The following KCNIP4 variants were observed in gnomAD, a reference collection of about 807,000 sequenced individuals.
The protein encoded by KCNIP4 is Kv channel-interacting protein 4.
KCNIP4 carries 12 observed loss-of-function variants against 34.0 expected under a neutral mutation model. The ratio of observed to expected loss-of-function variants is 0.35; its 90% CI spans 0.23 to 0.57. The LOEUF (loss-of-function observed/expected upper bound fraction) is 0.57. Ranked by LOEUF, KCNIP4 falls within the 20% of genes least tolerant of loss-of-function variation. The probability of loss-of-function intolerance (pLI) is 0.83; values close to 1 mark genes in which losing one functional copy is unlikely to be tolerated. For missense variants in KCNIP4, 238 were observed against 311.7 expected, an observed-to-expected ratio of 0.76 and a Z score of 1.78; for synonymous variants, 124 against 102.2, an observed-to-expected ratio of 1.21 and a Z score of -1.29.
chr4:21,037,859 A>G, intron 1 of KCNIP4, among the ~76,000 whole-genome samples: 1 of 152,144 alleles, frequency 6.6e-6, no homozygotes, highest in Admixed American at 6.5e-5. Context: ...GAAGAGAATT[A>G]TTGTCAGCAT....
chr4:21,056,999 G>A (rs1378048959), intron 1 of KCNIP4, among the ~76,000 whole-genome samples: 1 of 152,106 alleles, frequency 6.6e-6, no homozygotes, highest in Non-Finnish European at 1.5e-5. Context: ...ATTCTCATTT[G>A]CAATAAGTTA....
At chr4:21,106,434 G>A (rs1000926034) in intron 1 of KCNIP4, among the ~76,000 whole-genome samples, 12 of 151,590 alleles carry the variant, frequency 7.9e-5, no homozygotes, top group South Asian at 6.2e-4. Flanking sequence ...CTGTGGGATC[G>A]GTGGTGATAT....
intron 1 of KCNIP4, among the ~76,000 whole-genome samples, chr4:21,091,329 T>C (rs1340863759): frequency 1.3e-5 from 2 of 152,112 alleles, no homozygotes; most frequent in Non-Finnish European, 1.5e-5. Context: ...TAAATGCTAA[T>C]AAAAAAGCAG....
At chr4:21,201,339 A>T (rs1353217931) in intron 1 of KCNIP4, among the ~76,000 whole-genome samples, 1 of 152,230 alleles carries the variant, frequency 6.6e-6, no homozygotes, top group African/African-American at 2.4e-5. Context: ...GAGGTGAAAT[A>T]TAATGAAAGA....
At chr4:21,388,144 G>C (rs536801846) in intron 1 of KCNIP4, among the ~76,000 whole-genome samples, 200 of 152,188 alleles carry the variant, frequency 1.3e-3, no homozygotes, top group African/African-American at 4.8e-3. Flanking sequence ...GAAAGAATGA[G>C]GGAAGCTAGT....
chr4:21,339,351 G>C (rs1716499368), intron 1 of KCNIP4, among the ~76,000 whole-genome samples: 1 of 152,206 alleles, frequency 6.6e-6, no homozygotes, highest in Non-Finnish European at 1.5e-5. Flanking sequence ...TTCATAGAAT[G>C]ACAGGTGGAA....
intron 1 of KCNIP4, among the ~76,000 whole-genome samples, chr4:21,132,737 G>A (rs988183009): frequency 4.0e-5 from 6 of 151,856 alleles, no homozygotes; most frequent in Non-Finnish European, 7.4e-5. Flanking sequence ...GGCCAGGCAC[G>A]GTGGCTCACG....
intron 1 of KCNIP4, among the ~76,000 whole-genome samples, chr4:21,352,936 G>A (rs1268495930): frequency 6.6e-6 from 1 of 152,164 alleles, no homozygotes; most frequent in African/African-American, 2.4e-5. Flanking sequence ...GGAAGGATCA[G>A]ACAGCAACAT....
chr4:21,385,835 A>G (rs113828355), intron 1 of KCNIP4, among the ~76,000 whole-genome samples: 59 of 152,218 alleles, frequency 3.9e-4, no homozygotes, highest in African/African-American at 1.3e-3. Context: ...ACAAAAGTCT[A>G]TTGGACAAAT....
intron 1 of KCNIP4, among the ~76,000 whole-genome samples, chr4:21,445,988 G>A (rs1440240148): frequency 1.3e-5 from 2 of 152,190 alleles, no homozygotes; most frequent in Non-Finnish European, 2.9e-5. Flanking sequence ...CTTCTCAAAA[G>A]AAGACATTTA....
chr4:20,729,570 G>GTTT lies in KCNIP4; in HGVS notation c.*509_*511dup, dbSNP rs888638953. ...AAGGCCATAGAAACTGGAACTATGT[G>GTTT]TTTTTTTAATTGTTGTAATCTTGTT... On this transcript the variant is annotated 3_prime_UTR_variant, in exon 9 of 9. Transcript: ENST00000382152. The GTTT allele has an allele frequency of 6.7e-6, 1 of 148,622 alleles. No individual in the cohort carries two copies. Among genetic ancestry groups the GTTT allele is most frequent in the Non-Finnish European group, 1.5e-5 (1 of 67,282 alleles). 9.2% of individuals were successfully genotyped at this position (148,622 alleles called of 1,614,324 possible).
chr4:21,272,740 C>T (rs1319622657), intron 1 of KCNIP4, among the ~76,000 whole-genome samples: 2 of 152,084 alleles, frequency 1.3e-5, no homozygotes, highest in Non-Finnish European at 2.9e-5. Context: ...CATTTTAATG[C>T]TATTATTTTG....
intron 1 of KCNIP4, among the ~76,000 whole-genome samples, chr4:21,330,695 G>T (rs1715542733): frequency 6.6e-6 from 1 of 152,084 alleles, no homozygotes; most frequent in Admixed American, 6.6e-5. Flanking sequence ...AAAGAATAAG[G>T]AGCTTAACTT....
intron 1 of KCNIP4, among the ~76,000 whole-genome samples, chr4:21,148,602 T>G (rs189947575): frequency 1.3e-5 from 2 of 152,132 alleles, no homozygotes; most frequent in African/African-American, 4.8e-5. Flanking sequence ...TCAAGATGCA[T>G]TATTCATTGT....
intron 1 of KCNIP4, among the ~76,000 whole-genome samples, chr4:21,739,665 C>G (rs550413567): frequency 1.3e-5 from 2 of 151,966 alleles, no homozygotes; most frequent in Non-Finnish European, 2.9e-5. Context: ...CAGAAAACTC[C>G]CAATGCTACC....
intron 1 of KCNIP4, among the ~76,000 whole-genome samples, chr4:21,076,614 A>G (rs916646618): frequency 6.6e-6 from 1 of 152,282 alleles, no homozygotes; most frequent in African/African-American, 2.4e-5. Context: ...CTTCAGTTCT[A>G]TGACATTAAA....
intron 1 of KCNIP4, among the ~76,000 whole-genome samples, chr4:21,560,692 T>G (rs890667559): frequency 6.6e-6 from 1 of 152,132 alleles, no homozygotes. Context: ...TATCATTTAA[T>G]GCATCAGCAA....
In KCNIP4 at chr4:21,176,679, G is replaced by A. The variant is rs531517963; in HGVS notation, c.62-293970C>T. 6.6e-4 allele frequency among the ~76,000 whole-genome samples: 100 copies of A among 152,198 alleles called. 2 individuals carry two copies. The South Asian group carries it at 0.018, about 28-fold the overall frequency. ...CTGGGATTCAGGCATGTGCCACCAC[G>A]CCCAGCTAATTTTTCCTATTTAGTG... On this transcript the variant is annotated intron_variant, in intron 1 of 8. Coordinates refer to ENST00000382152, the MANE Select transcript of KCNIP4 (RefSeq NM_025221.6).
chr4:21,736,451 T>A (rs1461786324), intron 1 of KCNIP4, among the ~76,000 whole-genome samples: 1 of 152,210 alleles, frequency 6.6e-6, no homozygotes, highest in Admixed American at 6.5e-5. Context: ...TTTAGAACAG[T>A]ATATTCAACA....
Sources: allele counts gnomAD v4.1 joint callset (sites outside exome capture counted in the v4.1 genomes callset), GRCh38; gene constraint gnomAD v4.1.1; transcripts MANE v1.5; gene names NCBI Gene and HGNC (gene_info 2026-07-23, HGNC 2026-07-21).